The following GPRC6A variants were observed in gnomAD, a reference collection of about 807,000 sequenced individuals.
The protein encoded by GPRC6A is G protein-coupled receptor family C group 6 member A.
A neutral mutation model predicts 47.0 loss-of-function variants in GPRC6A; 54 were observed. The observed-to-expected ratio is 1.15, with a 90% confidence interval of 0.92 to 1.44. The LOEUF is 1.44. GPRC6A is among the 40% of genes most tolerant of loss of function. The pLI is 0.00. For synonymous variants in GPRC6A, 347 were observed against 377.1 expected, an observed-to-expected ratio of 0.92 and a Z score of 0.93; for missense variants, 1,112 against 1,105.5, an observed-to-expected ratio of 1.01 and a Z score of -0.08.
intron 1 of GPRC6A, among the ~76,000 whole-genome samples, chr6:116,818,486 A>G (rs1773320489): frequency 8.8e-6 from 1 of 114,208 alleles, no homozygotes; most frequent in African/African-American, 3.2e-5. Context: ...GTGAGCCGAG[A>G]TCCCGCCACT....
chr6:116,805,662 T>G (rs756735003), intron 3 of GPRC6A, among the ~76,000 whole-genome samples: 1 of 152,082 alleles, frequency 6.6e-6, no homozygotes, highest in Non-Finnish European at 1.5e-5. Context: ...ATATTAAATT[T>G]TAAGTTTCCC....
chr6:116,806,664 G>A lies in GPRC6A; in HGVS notation c.1041C>T (p.Pro347=). ...CATGTAAGAGTTTGTGACTGTCACT[G>A]GGAAGCAAGTGCAGATTTTGAAGAA... ...HSFLQNLHLL[P]SDSHKLLHEY... The change falls in exon 3 of 6, where the codon CCC becomes CCT. Residue 347 remains proline, a synonymous_variant. Transcript: ENST00000310357. The A allele has an allele frequency of 6.2e-7, 1 of 1,613,480 alleles. No individual in the cohort carries two copies. Among genetic ancestry groups the A allele is most frequent in the East Asian group, 2.2e-5 (1 of 44,880 alleles).
rs778404753 is a variant in GPRC6A at position 116,809,559 on chromosome 6, T to TG, written c.252dup (p.Asn85GlnfsTer14). 16 of 1,612,824 alleles carry TG rather than the reference T, an allele frequency of 9.9e-6. No individual in the cohort carries two copies. Among genetic ancestry groups the TG allele is most frequent in the Non-Finnish European group, 1.4e-5 (16 of 1,179,088 alleles). On this transcript the variant is annotated frameshift_variant, in exon 2 of 6. Transcript: ENST00000310357. LOFTEE classifies it high-confidence loss of function. ...ACTCCAGGTAAGAGTGTTGAATTGT[T>TG]GATCATCTCAATGCTGTGTATCATG...
intron 3 of GPRC6A, among the ~76,000 whole-genome samples, chr6:116,802,786 G>C (rs1175638284): frequency 1.3e-5 from 2 of 151,972 alleles, no homozygotes; most frequent in East Asian, 3.9e-4. Context: ...GACAAGTCTT[G>C]GTCACTAGAA....
chr6:116,819,786 A>C (rs1314457419), intron 1 of GPRC6A, among the ~76,000 whole-genome samples: 7 of 151,332 alleles, frequency 4.6e-5, no homozygotes, highest in Non-Finnish European at 1.0e-4. Context: ...CCCTAACATC[A>C]CAATTAAAAG....
intron 3 of GPRC6A, among the ~76,000 whole-genome samples, chr6:116,803,493 T>C (rs2114590402): frequency 6.6e-6 from 1 of 152,200 alleles, no homozygotes; most frequent in Middle Eastern, 3.4e-3. Context: ...ATCTGGGACA[T>C]TGTTAAAAAT....
chr6:116,806,950 T>A lies in GPRC6A; in HGVS notation c.755A>T (p.Asn252Ile). 1 of 1,613,608 alleles carries A rather than the reference T, an allele frequency of 6.2e-7. No individual in the cohort carries two copies. The highest frequency in any genetic ancestry group is 8.5e-7 in the Non-Finnish European group (1 of 1,179,698). Residue 252 changes from asparagine to isoleucine, a missense_variant, in exon 3 of 6, where the codon AAT becomes ATT. Asn to Ile is a moderately radical substitution (Grantham distance 149). Transcript: ENST00000310357. ...CCGATTGATTCTGACTTCAATGGTATTATCTGAAAGAAAGGCTGGAAGAAC... is the reference window on the plus strand; with the variant it reads ...CCGATTGATTCTGACTTCAATGGTAATATCTGAAAGAAAGGCTGGAAGAAC... ...KEVLPAFLSD[N>I]TIEVRINRTL... is the part of the protein sequence containing the mutation.
At chr6:116,821,481 A>C (rs1257574278) in intron 1 of GPRC6A, among the ~76,000 whole-genome samples, 1 of 152,154 alleles carries the variant, frequency 6.6e-6, no homozygotes, top group East Asian at 1.9e-4. Flanking sequence ...GACAGTAACC[A>C]AAACAGCATG....
At chr6:116,800,391 C>CTCTT (rs200495410) in intron 4 of GPRC6A, among the ~76,000 whole-genome samples, 193 bp downstream of exon 4, 135 of 138,934 alleles carry the variant, frequency 9.7e-4, no homozygotes, top group Non-Finnish European at 1.2e-3. Context: ...CTCTCTCTCT[C>CTCTT]TCTTTCTTTC....
chr6:116,793,411 C>CA (rs1176416485), intron 5 of GPRC6A, among the ~76,000 whole-genome samples, 161 bp from the exon 6 acceptor site: 4 of 150,090 alleles, frequency 2.7e-5, no homozygotes, highest in African/African-American at 9.8e-5. Flanking sequence ...TGCTAAAACT[C>CA]AAAGAAAGTG....
Position 116,806,762 on chromosome 6 carries a change from G to T in GPRC6A, c.943C>A (p.Pro315Thr). Residue 315 changes from proline to threonine, a missense_variant, in exon 3 of 6, where the codon CCT (proline) becomes ACT (threonine). Physicochemically the swap from Pro to Thr is conservative, Grantham distance 38 (BLOSUM62 -1). Coordinates refer to ENST00000310357, the MANE Select transcript of GPRC6A (RefSeq NM_148963.4). The part of the protein sequence containing the change: ...WSTATKITTI[P>T]NVKKIGKVVG... ...ACTTTGCCAATCTTTTTAACATTAG[G>T]AATGGTGGTAATCTTGGTGGCAGTT... The T allele has an allele frequency of 6.2e-7, 1 of 1,613,522 alleles. No homozygotes were observed. The highest frequency in any genetic ancestry group is 8.5e-7 in the Non-Finnish European group (1 of 1,179,706).
intron 5 of GPRC6A, among the ~76,000 whole-genome samples, chr6:116,794,674 G>C (rs922726076): frequency 6.6e-6 from 1 of 151,976 alleles, no homozygotes; most frequent in Non-Finnish European, 1.5e-5. Flanking sequence ...AAACTCCCTC[G>C]CTAATTATCT....
At position 116,806,913 on chromosome 6, in the gene GPRC6A, T is replaced by A; in HGVS notation, c.792A>T (p.Lys264Asn). ...CATTAACCTGGGCTTCTAAAATGAT[T>A]TTCTTCAGTGTCCGATTGATTCTGA... ...IEVRINRTLK[K>N]IILEAQVNVI... The change falls in exon 3 of 6, where the codon AAA (lysine) becomes AAT (asparagine). Residue 264 changes from lysine (K) to asparagine (N), a missense_variant. Transcript: ENST00000310357. The A allele has an allele frequency of 6.2e-7, 1 of 1,613,754 alleles. No homozygotes were observed. The highest frequency in any genetic ancestry group is 8.5e-7 in the Non-Finnish European group (1 of 1,179,814).
chr6:116,795,916 AAGAT>A (rs1772473400), intron 4 of GPRC6A, 81 bp from the exon 5 acceptor site: 1 of 907,000 alleles, frequency 1.1e-6, no homozygotes, highest in Admixed American at 2.6e-5. Flanking sequence ...GCTTAACTTA[AAGAT>A]ATATTTACTA....
At chr6:116,793,779 C>A (rs1582451176) in intron 5 of GPRC6A, among the ~76,000 whole-genome samples, 1 of 152,204 alleles carries the variant, frequency 6.6e-6, no homozygotes. Context: ...TCACACAGAC[C>A]ATTACACATA....
chr6:116,795,849 GA>G lies in GPRC6A; in HGVS notation c.1549-15del, dbSNP rs748701376. Reference sequence around the variant, plus strand: ...AGATTGAATTTGCTATATTAAAAGTGAAAAAAAAAATCACAAGTAAATTTGT... The same window carrying G: ...AGATTGAATTTGCTATATTAAAAGTGAAAAAAAAATCACAAGTAAATTTGT... On this transcript the variant is annotated splice_polypyrimidine_tract_variant and intron_variant, in intron 4 of 5. Transcript: ENST00000310357. 1,727 of 1,441,624 alleles carry G rather than the reference GA, an allele frequency of 1.2e-3. 2 individuals carry two copies. The highest frequency in any genetic ancestry group is 2.9e-3 in the East Asian group (116 of 40,304). The allele number at this position is 1,441,624 out of a possible 1,614,324, so 89.3% of individuals were successfully genotyped here. A position where few individuals can be genotyped will look rare whatever the true frequency, so the allele number is the denominator to read the frequency against.
chr6:116,821,754 A>G (rs1773489727), intron 1 of GPRC6A, among the ~76,000 whole-genome samples: 1 of 151,884 alleles, frequency 6.6e-6, no homozygotes, highest in Non-Finnish European at 1.5e-5. Flanking sequence ...AACCATAAAA[A>G]CCCTAGAAGA....
intron 1 of GPRC6A, among the ~76,000 whole-genome samples, chr6:116,814,033 G>A (rs1234779119): frequency 6.6e-6 from 1 of 152,172 alleles, no homozygotes; most frequent in Non-Finnish European, 1.5e-5. Context: ...TCAGAGAAAA[G>A]CAAATCAAAA....
At chr6:116,809,143 T>C (rs1429495080) in intron 2 of GPRC6A, among the ~76,000 whole-genome samples, 171 bp downstream of exon 2, 2 of 152,200 alleles carry the variant, frequency 1.3e-5, no homozygotes, top group Non-Finnish European at 2.9e-5. Context: ...AATTACTCCC[T>C]TAGTACTTTT....
Sources: allele counts gnomAD v4.1 joint callset (sites outside exome capture counted in the v4.1 genomes callset), GRCh38; gene constraint gnomAD v4.1.1; transcripts MANE v1.5; gene names NCBI Gene and HGNC (gene_info 2026-07-23, HGNC 2026-07-21).